The following KCNH5 variants were observed in gnomAD, a reference collection of about 807,000 sequenced individuals.
KCNH5 encodes the protein potassium voltage-gated channel subfamily H member 5, also known as voltage-gated delayed rectifier potassium channel KCNH5.
KCNH5 carries 46 observed loss-of-function variants against 96.1 expected under a neutral mutation model. That is an observed-to-expected ratio of 0.48 (90% CI 0.38 to 0.61). The LOEUF (loss-of-function observed/expected upper bound fraction) is 0.61, where lower values mean the gene tolerates loss of function less well. KCNH5 is among the 20% of genes least tolerant of loss of function. The pLI is 0.00. For missense variants in KCNH5, 907 were observed against 1,225.8 expected (o/e 0.74, Z 3.88); for synonymous variants, 439 against 449.8 (o/e 0.98, Z 0.30).
intron 7 of KCNH5, among the ~76,000 whole-genome samples, chr14:62,927,060 C>T (rs983388422): frequency 4.6e-5 from 7 of 152,040 alleles, no homozygotes; most frequent in Non-Finnish European, 1.0e-4. Flanking sequence ...AAGAAGAAAA[C>T]AATCAGATTC....
At chr14:62,893,736 C>A (rs1294111864) in intron 7 of KCNH5, among the ~76,000 whole-genome samples, 1 of 138,924 alleles carries the variant, frequency 7.2e-6, no homozygotes, top group South Asian at 2.2e-4. Context: ...GGCGACAGAG[C>A]GAGACTCCAA....
At chr14:62,909,115 G>A (rs1367942781) in intron 7 of KCNH5, among the ~76,000 whole-genome samples, 3 of 126,336 alleles carry the variant, frequency 2.4e-5, no homozygotes, top group Admixed American at 1.0e-4. Flanking sequence ...GCGGGATCTC[G>A]GCTCACTGCA....
At position 62,700,985 on chromosome 14, in the gene KCNH5, A is replaced by T. The variant is rs940513912; in HGVS notation, c.*6523T>A. On this transcript the variant is annotated 3_prime_UTR_variant, in exon 11 of 11. Coordinates refer to ENST00000322893, the MANE Select transcript of KCNH5 (RefSeq NM_139318.5). ...GCAGAGAATGGGGATAAAATTACTT[A>T]AATTAGTTATTATGGATACTCAATC... 1 of 152,182 alleles carries T rather than the reference A, an allele frequency of 6.6e-6. No individual in the cohort carries two copies. The allele number at this position is 152,182 out of a possible 1,614,324, so 9.4% of individuals were successfully genotyped here.
At chr14:62,714,100 C>G (rs1050189566) in intron 10 of KCNH5, among the ~76,000 whole-genome samples, 1 of 148,512 alleles carries the variant, frequency 6.7e-6, no homozygotes, top group Non-Finnish European at 1.5e-5. Flanking sequence ...CTGGGTAACA[C>G]AGGGAGACCC....
chr14:62,860,864 C>G (rs1293258523), intron 7 of KCNH5, among the ~76,000 whole-genome samples: 1 of 152,182 alleles, frequency 6.6e-6, no homozygotes, highest in East Asian at 1.9e-4. Flanking sequence ...GCTATCTATG[C>G]CAACCTTGGA....
chr14:62,956,118 C>T (rs7149511), intron 6 of KCNH5, among the ~76,000 whole-genome samples: 70,225 of 152,016 alleles, frequency 0.46, 17,267 homozygotes, highest in African/African-American at 0.6. Context: ...GAACAGGCCT[C>T]CAATGCCCGC....
At chr14:62,729,680 T>C (rs544234228) in intron 10 of KCNH5, among the ~76,000 whole-genome samples, 1 of 152,226 alleles carries the variant, frequency 6.6e-6, no homozygotes. Context: ...TTTCCTCTTC[T>C]TCCTTTGCAC....
intron 7 of KCNH5, among the ~76,000 whole-genome samples, chr14:62,889,643 C>G (rs1313144826): frequency 6.6e-6 from 1 of 152,138 alleles, no homozygotes; most frequent in Non-Finnish European, 1.5e-5. Context: ...AGACAAGCAG[C>G]CAGGACAGAT....
chr14:62,738,830 A>C (rs909302402), intron 10 of KCNH5, among the ~76,000 whole-genome samples: 3 of 152,142 alleles, frequency 2.0e-5, no homozygotes, highest in African/African-American at 7.2e-5. Context: ...CTCAATACAA[A>C]TTAGACTTTA....
At chr14:62,835,343 G>A (rs1887443520) in intron 8 of KCNH5, among the ~76,000 whole-genome samples, 1 of 151,974 alleles carries the variant, frequency 6.6e-6, no homozygotes, top group Non-Finnish European at 1.5e-5. Flanking sequence ...ATAAGGAAGA[G>A]TTATATTTGG....
rs373726142 is a variant in KCNH5, at chr14:63,040,700, G to C, written c.73+4414C>G. Among the ~76,000 whole-genome samples, 137 of 151,240 alleles carry C rather than the reference G, an allele frequency of 9.1e-4. 5 individuals are homozygous for C. The South Asian group carries it at 0.027, about 29-fold the overall frequency. ...AAAGTTATTATTCCTTTTTTGTTTT[G>C]TTTACAGATCACTAGTTCTGCTTCC... On this transcript the variant is annotated intron_variant, in intron 1 of 10. Coordinates refer to ENST00000322893, the MANE Select transcript of KCNH5 (RefSeq NM_139318.5).
chr14:62,819,978 C>A (rs1369774883), intron 8 of KCNH5, among the ~76,000 whole-genome samples: 2 of 152,172 alleles, frequency 1.3e-5, no homozygotes, highest in East Asian at 1.9e-4. Context: ...CATTTAACAA[C>A]TACATGGGCC....
At chr14:62,748,218 T>C (rs886855714) in intron 10 of KCNH5, among the ~76,000 whole-genome samples, 5 of 152,162 alleles carry the variant, frequency 3.3e-5, no homozygotes, top group African/African-American at 1.2e-4. Context: ...GAGGCACGCA[T>C]CCACCCTAGG....
intron 7 of KCNH5, among the ~76,000 whole-genome samples, chr14:62,877,989 T>C (rs1420217831): frequency 6.6e-6 from 1 of 151,784 alleles, no homozygotes; most frequent in Non-Finnish European, 1.5e-5. Context: ...ATGTGGCACA[T>C]ATACACCATG....
chr14:62,709,264 C>T (rs1361447560), intron 10 of KCNH5, among the ~76,000 whole-genome samples: 3 of 112,038 alleles, frequency 2.7e-5, no homozygotes, highest in African/African-American at 5.9e-5. Flanking sequence ...AAAAAATTAT[C>T]CTCTGTTTGG....
intron 6 of KCNH5, among the ~76,000 whole-genome samples, chr14:62,965,636 C>T (rs1429982912): frequency 6.7e-6 from 1 of 150,168 alleles, no homozygotes; most frequent in Admixed American, 6.6e-5. Flanking sequence ...AGAGCCATCC[C>T]TGTATATTTC....
chr14:62,700,784 T>G lies in KCNH5; in HGVS notation c.*6724A>C, dbSNP rs1884336022. The G allele has an allele frequency of 6.6e-6, 1 of 152,146 alleles. No individual in the cohort carries two copies. Among genetic ancestry groups the G allele is most frequent in the Admixed American group, 6.6e-5 (1 of 15,266 alleles). 9.4% of individuals were successfully genotyped at this position (152,146 alleles called of 1,614,324 possible). On this transcript the variant is annotated 3_prime_UTR_variant, in exon 11 of 11. Transcript: ENST00000322893. ...ATCAGGAATCTTTCCCGCTATAATT[T>G]GGTTGAAAAAGTTGAGGAGCAAATG...
chr14:62,922,755 T>A (rs537430635), intron 7 of KCNH5, among the ~76,000 whole-genome samples: 1 of 152,032 alleles, frequency 6.6e-6, no homozygotes, highest in Admixed American at 6.6e-5. Flanking sequence ...TATTTATTGA[T>A]AAAAACTCTC....
At chr14:62,848,800 G>C (rs145354352) in intron 8 of KCNH5, among the ~76,000 whole-genome samples, 1 of 152,234 alleles carries the variant, frequency 6.6e-6, no homozygotes, top group Non-Finnish European at 1.5e-5. Flanking sequence ...AAATGGCCAG[G>C]AAAGTATTAT....
Sources: allele counts gnomAD v4.1 joint callset (sites outside exome capture counted in the v4.1 genomes callset), GRCh38; gene constraint gnomAD v4.1.1; transcripts MANE v1.5; gene names NCBI Gene and HGNC (gene_info 2026-07-23, HGNC 2026-07-21).